TTC17: variants seen among roughly 807,000 people sequenced by gnomAD.
TTC17 encodes tetratricopeptide repeat domain 17, also known as tetratricopeptide repeat protein 17.
In TTC17, 58 loss-of-function variants were observed where a neutral mutation model predicts 143.8. The observed-to-expected ratio is 0.40, with a 90% CI of 0.33 to 0.50. TTC17 has a LOEUF of 0.50. TTC17 is among the 20% of genes least tolerant of loss of function. The pLI is 0.49. For synonymous variants in TTC17, 501 were observed against 497.8 expected, an observed-to-expected ratio of 1.01 and a Z score of -0.09; for missense variants, 1,273 against 1,392.5, an observed-to-expected ratio of 0.91 and a Z score of 1.37.
At chr11:43,397,015 A>T in intron 6 of TTC17, 197 bp downstream of exon 6, 1 of 477,184 alleles carries the variant, frequency 2.1e-6, no homozygotes, top group Non-Finnish European at 3.7e-6. Flanking sequence ...TGTGTAATAT[A>T]CTTTCCATTT....
intron 1 of TTC17, among the ~76,000 whole-genome samples, chr11:43,360,104 A>T (rs1463377005): frequency 2.0e-5 from 3 of 152,218 alleles, no homozygotes; most frequent in Non-Finnish European, 4.4e-5. Flanking sequence ...GTGGGAAATT[A>T]CTGGTCCTTT....
chr11:43,407,926 A>G (rs1203109899), intron 15 of TTC17, among the ~76,000 whole-genome samples: 1 of 152,104 alleles, frequency 6.6e-6, no homozygotes, highest in Non-Finnish European at 1.5e-5. Context: ...ACTGCTTAAT[A>G]TTACACTGTT....
chr11:43,476,676 G>A (rs116850064), intron 21 of TTC17, among the ~76,000 whole-genome samples: 12,675 of 152,242 alleles, frequency 0.083, 882 homozygotes, highest in Admixed American at 0.23. Flanking sequence ...CAGCTGGGAC[G>A]GAAGGCACCA....
intron 8 of TTC17, 77 bp from the exon 9 acceptor site, chr11:43,399,811 A>T: frequency 1.4e-6 from 2 of 1,450,606 alleles, no homozygotes; most frequent in Non-Finnish European, 1.8e-6. Flanking sequence ...AGAACCAGAA[A>T]AATCTGTGCA....
rs766241027 is a variant in TTC17, at chr11:43,396,869, T to TA, written c.773+54dup. The TA allele has an allele frequency of 2.4e-5, 28 of 1,146,054 alleles. No individual in the cohort carries two copies. In the African/African-American group the frequency reaches 3.7e-4, roughly 15 times the overall value. The allele number at this position is 1,146,054 out of a possible 1,614,324, so 71.0% of individuals were successfully genotyped here. Reference sequence around the variant, plus strand: ...GATTTTCCACATTCCTCAGGACTGTTAAAGAAACAATACATAAGAAAGCAG... The same window carrying TA: ...GATTTTCCACATTCCTCAGGACTGTTAAAAGAAACAATACATAAGAAAGCAG... On this transcript the variant is annotated intron_variant, in intron 6 of 23. Transcript: ENST00000039989.
chr11:43,383,208 A>T (rs951339759), intron 2 of TTC17, among the ~76,000 whole-genome samples: 61 of 152,040 alleles, frequency 4.0e-4, no homozygotes, highest in Middle Eastern at 3.4e-3. Flanking sequence ...CAGTTTCTTT[A>T]ACAAATAAAT....
intron 21 of TTC17, among the ~76,000 whole-genome samples, chr11:43,486,656 G>A (rs1948386670): frequency 6.6e-6 from 1 of 152,162 alleles, no homozygotes; most frequent in East Asian, 1.9e-4. Flanking sequence ...TTTCAGTAAG[G>A]TGGTCGTTTC....
chr11:43,450,317 A>AGGTGACC (rs1365195673), intron 20 of TTC17, 76 bp downstream of exon 20: 1 of 1,457,968 alleles, frequency 6.9e-7, no homozygotes, highest in Non-Finnish European at 9.1e-7. Context: ...TAGAAAGCCC[A>AGGTGACC]GGTGACCGGG....
chr11:43,394,017 C>T (rs2134540621), intron 5 of TTC17, among the ~76,000 whole-genome samples: 1 of 152,262 alleles, frequency 6.6e-6, no homozygotes, highest in African/African-American at 2.4e-5. Context: ...TCTTCCATTT[C>T]TTATAAGGAC....
intron 16 of TTC17, among the ~76,000 whole-genome samples, chr11:43,428,921 A>G (rs1212290503): frequency 6.6e-6 from 1 of 152,114 alleles, no homozygotes; most frequent in Non-Finnish European, 1.5e-5. Flanking sequence ...TCTCTTTGCC[A>G]TTGTACTTTT....
intron 15 of TTC17, among the ~76,000 whole-genome samples, chr11:43,408,912 T>C (rs578025821): frequency 6.6e-6 from 1 of 151,970 alleles, no homozygotes; most frequent in East Asian, 1.9e-4. Flanking sequence ...TGGCTGAATT[T>C]TGTATTTTTT....
At position 43,493,796 on chromosome 11, in the gene TTC17, G is replaced by A. The variant is rs761535817; in HGVS notation, c.3318G>A (p.Val1106=). The A allele has an allele frequency of 8.1e-6, 13 of 1,613,998 alleles. No individual in the cohort carries two copies. The highest frequency in any genetic ancestry group is 4.0e-5 in the African/African-American group (3 of 74,916). The stretch of plus-strand genomic sequence containing the variant: ...AGGAAGAATTTGAAAAAGCACTGGT[G>A]TGGTATGAATCCACATTGAAGCTTC... ...VAMEEFEKAL[V]WYESTLKLQP... is the part of the protein sequence containing the mutation. Residue 1106 remains valine, a synonymous_variant, in exon 24 of 24, where the codon GTG becomes GTA. Coordinates refer to ENST00000039989, the MANE Select transcript of TTC17 (RefSeq NM_018259.6).
At chr11:43,479,820 G>A (rs1322835887) in intron 21 of TTC17, among the ~76,000 whole-genome samples, 1 of 152,168 alleles carries the variant, frequency 6.6e-6, no homozygotes, top group African/African-American at 2.4e-5. Context: ...AGTGATTAGG[G>A]TTTTCAGAAT....
chr11:43,397,900 C>CTG, intron 7 of TTC17, 74 bp from the exon 8 acceptor site: 2 of 1,313,934 alleles, frequency 1.5e-6, no homozygotes, highest in East Asian at 2.7e-5. Flanking sequence ...ATTTTTTTTT[C>CTG]CGTGTGTGTG....
At chr11:43,381,608 A>G (rs573456309) in intron 2 of TTC17, among the ~76,000 whole-genome samples, 1 of 152,358 alleles carries the variant, frequency 6.6e-6, no homozygotes, top group East Asian at 1.9e-4. Context: ...AAGGAACTGA[A>G]TCATCCAATA....
At chr11:43,380,046 AAAAC>A (rs1389374352) in intron 2 of TTC17, among the ~76,000 whole-genome samples, 1 of 152,230 alleles carries the variant, frequency 6.6e-6, no homozygotes, top group Non-Finnish European at 1.5e-5. Context: ...AAATGAGAAA[AAAAC>A]TAATGGGAAT....
intron 2 of TTC17, among the ~76,000 whole-genome samples, chr11:43,386,794 T>C (rs1179900054): frequency 1.3e-5 from 2 of 152,140 alleles, no homozygotes; most frequent in Non-Finnish European, 2.9e-5. Flanking sequence ...TTTATTTATT[T>C]ATTCATTTTT....
chr11:43,471,250 G>A (rs1242159847), intron 21 of TTC17, among the ~76,000 whole-genome samples: 1 of 152,182 alleles, frequency 6.6e-6, no homozygotes, highest in African/African-American at 2.4e-5. Context: ...AACCATGTGG[G>A]CTGCTGTAGA....
At chr11:43,480,237 A>G (rs1457322401) in intron 21 of TTC17, among the ~76,000 whole-genome samples, 1 of 152,214 alleles carries the variant, frequency 6.6e-6, no homozygotes, top group African/African-American at 2.4e-5. Flanking sequence ...ACTATATGCC[A>G]TTTACTTTTT....
Sources: gnomAD v4.1 joint callset for allele counts (sites outside exome capture counted in the v4.1 genomes callset) on GRCh38, gnomAD v4.1.1 for gene constraint, MANE v1.5 for transcripts, NCBI Gene and HGNC (gene_info 2026-07-23, HGNC 2026-07-21) for gene names.